Variants in SLC4A5 observed in about 807,000 individuals in gnomAD.
The protein encoded by SLC4A5 is electrogenic sodium bicarbonate cotransporter 4.
In SLC4A5, 96 loss-of-function variants were observed where a neutral mutation model predicts 120.4. The observed-to-expected ratio is 0.80, with a 90% CI of 0.68 to 0.94. The LOEUF is 0.94. SLC4A5 is among the 40% of genes least tolerant of loss of function. The pLI is 0.00. For synonymous variants in SLC4A5, 550 were observed against 571.1 expected (o/e 0.96, Z 0.53); for missense variants, 1,259 against 1,459.5 (o/e 0.86, Z 2.24).
At chr2:74,248,911 A>G (rs1200220518) in intron 17 of SLC4A5, among the ~76,000 whole-genome samples, 1 of 152,220 alleles carries the variant, frequency 6.6e-6, no homozygotes, top group East Asian at 1.9e-4. Context: ...AAAGGTATTG[A>G]GAACCCATCA....
At chr2:74,283,001 C>T (rs1044375368) in intron 8 of SLC4A5, among the ~76,000 whole-genome samples, 4 of 152,170 alleles carry the variant, frequency 2.6e-5, no homozygotes, top group Non-Finnish European at 5.9e-5. Context: ...TTGAAATGTC[C>T]CCCTTCCCTG....
chr2:74,335,860 T>A (rs186637968), intron 3 of SLC4A5, among the ~76,000 whole-genome samples: 2 of 152,152 alleles, frequency 1.3e-5, no homozygotes, highest in African/African-American at 4.8e-5. Flanking sequence ...GAAAACTGAA[T>A]AGGGCAAATA....
chr2:74,313,992 C>T (rs780337206), intron 6 of SLC4A5, among the ~76,000 whole-genome samples: 13 of 152,116 alleles, frequency 8.5e-5, no homozygotes, highest in Non-Finnish European at 1.5e-4. Context: ...GAATGAAAAT[C>T]CTTTCTCTAC....
rs535337174 is a variant in SLC4A5, at chr2:74,310,914, GA to G, written c.79+4030del. 5.4e-4 allele frequency among the ~76,000 whole-genome samples: 82 copies of G among 150,546 alleles called. No individual in the cohort carries two copies. The South Asian group carries it at 0.014, about 27-fold the overall frequency. ...TAAATGTTTGGTAGAATTCACTAGT[GA>G]AATCATGAAGGCCTGTTGCTCTTTT... On this transcript the variant is annotated intron_variant, in intron 6 of 30. Transcript: ENST00000394019.
chr2:74,298,397 T>C (rs1339341325), intron 7 of SLC4A5, among the ~76,000 whole-genome samples: 3 of 152,210 alleles, frequency 2.0e-5, no homozygotes, highest in Non-Finnish European at 4.4e-5. Context: ...GGACCCCATC[T>C]TATGCCACTG....
chr2:74,285,937 C>T, intron 7 of SLC4A5, 35 bp from the exon 8 acceptor site: 4 of 1,541,394 alleles, frequency 2.6e-6, no homozygotes. Context: ...GCTGAGTGTC[C>T]CATGGAAGGC....
At chr2:74,275,264 GGTCCATCCTCCTGCACACCAT>G (rs1671603242) in intron 8 of SLC4A5, among the ~76,000 whole-genome samples, 6 of 152,192 alleles carry the variant, frequency 3.9e-5, no homozygotes, top group African/African-American at 4.8e-5. Flanking sequence ...TTTGGTGAAG[GGTCCATCCTCCTGCACACCAT>G]GTCCTCATTC....
chr2:74,302,122 A>C (rs10182958), intron 7 of SLC4A5, among the ~76,000 whole-genome samples: 5,955 of 152,130 alleles, frequency 0.039, 396 homozygotes, highest in African/African-American at 0.14. Context: ...TTTCATGGGT[A>C]CACAAGACTT....
At chr2:74,234,146 C>A (rs969558053) in intron 22 of SLC4A5, among the ~76,000 whole-genome samples, 6 of 151,356 alleles carry the variant, frequency 4.0e-5, no homozygotes, top group African/African-American at 1.5e-4. Flanking sequence ...CTGGTGAGAT[C>A]GTTGGTGCTC....
intron 25 of SLC4A5, among the ~76,000 whole-genome samples, chr2:74,228,596 C>T (rs1694931674): frequency 6.6e-6 from 1 of 152,128 alleles, no homozygotes; most frequent in Non-Finnish European, 1.5e-5. Flanking sequence ...TGCTACTGAA[C>T]TCCAGCCTGG....
intron 20 of SLC4A5, 34 bp downstream of exon 20, chr2:74,241,960 A>G: frequency 6.3e-7 from 1 of 1,585,094 alleles, no homozygotes; most frequent in Non-Finnish European, 8.6e-7. Flanking sequence ...AAACAAAAGC[A>G]CTCAAATGTC....
intron 8 of SLC4A5, among the ~76,000 whole-genome samples, chr2:74,271,820 G>A (rs542242968): frequency 5.9e-5 from 9 of 151,962 alleles, no homozygotes; most frequent in Non-Finnish European, 1.0e-4. Flanking sequence ...CTCAGAAGCC[G>A]GGCATGGTGG....
At chr2:74,281,709 A>C (rs540498570) in intron 8 of SLC4A5, among the ~76,000 whole-genome samples, 6 of 152,328 alleles carry the variant, frequency 3.9e-5, no homozygotes, top group Non-Finnish European at 5.9e-5. Context: ...AAGGGCCTGA[A>C]ACATCCCCCA....
At chr2:74,292,707 G>C in intron 7 of SLC4A5, among the ~76,000 whole-genome samples, 1 of 152,072 alleles carries the variant, frequency 6.6e-6, no homozygotes, top group Admixed American at 6.6e-5. Context: ...TGATCTAGTG[G>C]CCTGCAAACT....
At chr2:74,294,219 C>T (rs545495895) in intron 7 of SLC4A5, among the ~76,000 whole-genome samples, 2 of 152,274 alleles carry the variant, frequency 1.3e-5, no homozygotes, top group Admixed American at 1.3e-4. Flanking sequence ...CATCTGAGTT[C>T]CCTACGCCAC....
At chr2:74,252,933 A>G in intron 15 of SLC4A5, 41 bp downstream of exon 15, 1 of 1,607,824 alleles carries the variant, frequency 6.2e-7, no homozygotes, top group African/African-American at 1.3e-5. Context: ...ACAGAGTTGA[A>G]GCCTCCTTTT....
At chr2:74,274,831 C>T (rs1346351269) in intron 8 of SLC4A5, among the ~76,000 whole-genome samples, 4 of 152,160 alleles carry the variant, frequency 2.6e-5, no homozygotes, top group South Asian at 2.1e-4. Flanking sequence ...GGCAGATATA[C>T]AGGGTAAGCC....
At chr2:74,242,771 C>T (rs1670488958) in intron 19 of SLC4A5, among the ~76,000 whole-genome samples, 1 of 152,180 alleles carries the variant, frequency 6.6e-6, no homozygotes, top group Non-Finnish European at 1.5e-5. Flanking sequence ...TCGTGTCTCA[C>T]CCTCCCGAGT....
chr2:74,313,067 A>G (rs1206940608), intron 6 of SLC4A5, among the ~76,000 whole-genome samples: 3 of 86,056 alleles, frequency 3.5e-5, no homozygotes, highest in African/African-American at 1.4e-4. Context: ...TTTTTTTTTT[A>G]AGAAACAGGG....
Sources: allele counts gnomAD v4.1 joint callset (sites outside exome capture counted in the v4.1 genomes callset), GRCh38; gene constraint gnomAD v4.1.1; transcripts MANE v1.5; gene names NCBI Gene and HGNC (gene_info 2026-07-23, HGNC 2026-07-21).